CDC14B: variants seen among roughly 807,000 people sequenced by gnomAD.
CDC14B encodes cell division cycle 14B.
A neutral mutation model predicts 64.2 loss-of-function variants in CDC14B; 22 were observed. The ratio of observed to expected loss-of-function variants is 0.34; its 90% confidence interval spans 0.24 to 0.49. CDC14B has a LOEUF of 0.49. Ranked by LOEUF, CDC14B falls within the 20% of genes least tolerant of loss-of-function variation. The probability of loss-of-function intolerance (pLI) is 0.99; values close to 1 mark genes in which losing one functional copy is unlikely to be tolerated. For synonymous variants in CDC14B, 191 were observed against 215.8 expected (o/e 0.89, Z 1.01); for missense variants, 498 against 629.9 (o/e 0.79, Z 2.24).
At chr9:96,595,173 C>T (rs917247308) in intron 1 of CDC14B, among the ~76,000 whole-genome samples, 11 of 152,044 alleles carry the variant, frequency 7.2e-5, no homozygotes, top group Non-Finnish European at 1.0e-4. Context: ...AAAATTAGCC[C>T]TCAACTAAGC....
chr9:96,524,457 T>A (rs1336454845), intron 9 of CDC14B, among the ~76,000 whole-genome samples: 1 of 152,232 alleles, frequency 6.6e-6, no homozygotes, highest in Non-Finnish European at 1.5e-5. Context: ...TACTCCCACA[T>A]CCAATTATGT....
chr9:96,538,919 T>C, intron 7 of CDC14B, 159 bp downstream of exon 7: 1 of 592,870 alleles, frequency 1.7e-6, no homozygotes, highest in South Asian at 1.9e-5. Flanking sequence ...GATGAATATG[T>C]TAATTAGCTT....
intron 1 of CDC14B, chr9:96,566,734 GC>G: frequency 6.3e-7 from 1 of 1,587,918 alleles, no homozygotes; most frequent in Non-Finnish European, 8.6e-7. Flanking sequence ...GGGTGCCGGA[GC>G]CCCCAGGGGA....
downstream of CDC14B, among the ~76,000 whole-genome samples, chr9:96,498,138 G>A (rs180997327): frequency 1.3e-5 from 2 of 152,304 alleles, no homozygotes; most frequent in African/African-American, 4.8e-5. Context: ...GCTAAAGCTC[G>A]TGTTCTTGGA....
intron 12 of CDC14B, among the ~76,000 whole-genome samples, chr9:96,521,016 T>C (rs1263883299): frequency 6.6e-6 from 1 of 152,162 alleles, no homozygotes; most frequent in East Asian, 1.9e-4. Flanking sequence ...ATAAGGAAAT[T>C]AAAAACAAAA....
At position 96,509,683 on chromosome 9, in the gene CDC14B, T is replaced by C; in HGVS notation, c.1450A>G (p.Ser484Gly). ...GGATTCTTTTCTCACCTTTTAACAC[T>C]GCTTTTCCTTGAAGCAGATCTGGTG... ...RTTRSASRKS[S>G]VKSLSISRTK... is the part of the protein sequence containing the mutation. The change falls in exon 13 of 14, where the codon AGT (serine) becomes GGT (glycine). Residue 484 changes from serine to glycine, a missense_variant. Coordinates refer to ENST00000375241, the MANE Select transcript of CDC14B (RefSeq NM_033331.4). 1 of 1,597,476 alleles carries C rather than the reference T, an allele frequency of 6.3e-7. No individual in the cohort carries two copies. The highest frequency in any genetic ancestry group is 8.6e-7 in the Non-Finnish European group (1 of 1,164,958).
At chr9:96,560,661 G>A (rs1305939973) in intron 4 of CDC14B, among the ~76,000 whole-genome samples, 4 of 137,876 alleles carry the variant, frequency 2.9e-5, no homozygotes, top group East Asian at 2.1e-4. Context: ...TCGGCTCATT[G>A]TAACCTCTGC....
chr9:96,561,298 A>C (rs1843143346), intron 4 of CDC14B, among the ~76,000 whole-genome samples: 1 of 152,232 alleles, frequency 6.6e-6, no homozygotes, highest in South Asian at 2.1e-4. Flanking sequence ...TAAAAAAGAA[A>C]ATTATTAAAT....
intron 1 of CDC14B, among the ~76,000 whole-genome samples, chr9:96,598,149 G>C (rs1846205044): frequency 6.6e-6 from 1 of 152,126 alleles, no homozygotes; most frequent in Non-Finnish European, 1.5e-5. Flanking sequence ...AGAGCCTAAT[G>C]CATAAAAATT....
At chr9:96,565,326 A>G in intron 2 of CDC14B, 67 bp downstream of exon 2, 1 of 982,384 alleles carries the variant, frequency 1.0e-6, no homozygotes, top group South Asian at 1.4e-5. Context: ...AGGCCATCCC[A>G]TTTATAACCA....
chr9:96,491,947 A>G (rs543147961), exon 14 of CDC14B: 1 of 152,556 alleles, frequency 6.6e-6, no homozygotes, highest in South Asian at 2.1e-4. Flanking sequence ...CAGGTTGTAC[A>G]TAGCCCCAAG....
At chr9:96,523,553 T>C (rs1467764740) in intron 10 of CDC14B, 34 bp downstream of exon 10, 1 of 1,613,414 alleles carries the variant, frequency 6.2e-7, no homozygotes, top group Non-Finnish European at 8.5e-7. Flanking sequence ...CCCCACATGT[T>C]CCCTGGGAAC....
At chr9:96,614,263 T>C (rs2119059161) in intron 1 of CDC14B, among the ~76,000 whole-genome samples, 1 of 151,558 alleles carries the variant, frequency 6.6e-6, no homozygotes, top group South Asian at 2.1e-4. Context: ...TGAGACGGAG[T>C]TTCACTATGT....
At chr9:96,541,710 C>T in intron 6 of CDC14B, 116 bp downstream of exon 6, 2 of 589,298 alleles carry the variant, frequency 3.4e-6, no homozygotes, top group African/African-American at 1.9e-5. Context: ...ACCTCTGTCA[C>T]CATAGGCATC....
At chr9:96,523,834 A>G (rs908241342) in intron 9 of CDC14B, 109 bp from the exon 10 acceptor site, 13 of 1,123,434 alleles carry the variant, frequency 1.2e-5, no homozygotes, top group Middle Eastern at 2.0e-4. Context: ...GCTTCTTTCA[A>G]TAGTGGTTCT....
At chr9:96,615,361 G>A (rs1006224219) in intron 1 of CDC14B, among the ~76,000 whole-genome samples, 2 of 152,142 alleles carry the variant, frequency 1.3e-5, no homozygotes, top group Non-Finnish European at 2.9e-5. Flanking sequence ...AAACAATAGT[G>A]ATTATATAAC....
At chr9:96,567,933 A>T (rs1327149762) in intron 1 of CDC14B, among the ~76,000 whole-genome samples, 2 of 152,160 alleles carry the variant, frequency 1.3e-5, no homozygotes, top group Admixed American at 1.3e-4. Flanking sequence ...GTACCCCATA[A>T]ATATATATAC....
chr9:96,559,942 G>T (rs1842937768), intron 4 of CDC14B, among the ~76,000 whole-genome samples: 1 of 152,140 alleles, frequency 6.6e-6, no homozygotes, highest in Admixed American at 6.5e-5. Context: ...TATAAAACTG[G>T]AAACAAATAT....
intron 1 of CDC14B, among the ~76,000 whole-genome samples, chr9:96,569,034 A>G (rs1378596233): frequency 1.3e-5 from 2 of 152,352 alleles, no homozygotes; most frequent in African/African-American, 4.8e-5. Flanking sequence ...ATTGTGGATG[A>G]AATCGTAGGT....
Sources: gnomAD v4.1 joint callset for allele counts (sites outside exome capture counted in the v4.1 genomes callset) on GRCh38, gnomAD v4.1.1 for gene constraint, MANE v1.5 for transcripts, NCBI Gene and HGNC (gene_info 2026-07-23, HGNC 2026-07-21) for gene names.